Variants in FER1L6 observed in about 807,000 individuals in gnomAD.
FER1L6 encodes the protein fer-1-like protein 6.
A neutral mutation model predicts 219.2 loss-of-function variants in FER1L6; 177 were observed. That is an observed-to-expected ratio of 0.81 (90% CI 0.71 to 0.91). The LOEUF is 0.91. Ranked by LOEUF, FER1L6 falls within the 40% of genes least tolerant of loss-of-function variation. The pLI is 0.00. For synonymous variants in FER1L6, 768 were observed against 824.3 expected (o/e 0.93, Z 1.17); for missense variants, 2,153 against 2,259.9 (o/e 0.95, Z 0.96).
At chr8:123,908,042 G>A (rs563495759) in intron 1 of FER1L6, among the ~76,000 whole-genome samples, 23 of 151,914 alleles carry the variant, frequency 1.5e-4, no homozygotes, top group African/African-American at 4.6e-4. Flanking sequence ...TCTTTTTGCC[G>A]TCCCAGAACC....
At chr8:124,088,668 G>T (rs1241224315) in intron 33 of FER1L6, among the ~76,000 whole-genome samples, 1 of 151,962 alleles carries the variant, frequency 6.6e-6, no homozygotes, top group Non-Finnish European at 1.5e-5. Context: ...GTACTACCTG[G>T]CTCTCACTGC....
At chr8:123,945,572 C>T (rs750099780) in intron 1 of FER1L6, among the ~76,000 whole-genome samples, 9 of 152,230 alleles carry the variant, frequency 5.9e-5, no homozygotes, top group East Asian at 1.9e-4. Flanking sequence ...AAATTTCTGG[C>T]GGTTACTTTT....
intron 1 of FER1L6, among the ~76,000 whole-genome samples, chr8:123,917,320 G>A (rs1283081860): frequency 1.3e-5 from 2 of 152,204 alleles, no homozygotes; most frequent in Non-Finnish European, 2.9e-5. Context: ...GACATCGAGA[G>A]GGAAAGCCTT....
At chr8:123,991,797 T>C (rs1816863585) in intron 12 of FER1L6, among the ~76,000 whole-genome samples, 1 of 152,192 alleles carries the variant, frequency 6.6e-6, no homozygotes, top group African/African-American at 2.4e-5. Context: ...CTTTCAACTT[T>C]TCCCCATTCA....
At chr8:124,055,216 A>ATCAT (rs1554639987) in intron 22 of FER1L6, among the ~76,000 whole-genome samples, 5 of 152,064 alleles carry the variant, frequency 3.3e-5, no homozygotes, top group African/African-American at 1.2e-4. Context: ...AGGCAGGAGG[A>ATCAT]TCGTTTGAGT....
intron 15 of FER1L6, among the ~76,000 whole-genome samples, chr8:124,015,607 A>ATG (rs71303477): frequency 0.027 from 2,428 of 88,566 alleles, 153 homozygotes; most frequent in East Asian, 0.092. Flanking sequence ...ATATATATAT[A>ATG]TATATATATT....
rs375987579 is a variant in FER1L6 at position 124,107,990 on chromosome 8, G to A, written c.5289+4681G>A. On this transcript the variant is annotated intron_variant, in intron 39 of 40. Transcript: ENST00000522917. ...TAAAAGCTTTCTGGATTGTCCTAGG[G>A]ATTGTGATCAGTAATAATGAGAGGG... Among the ~76,000 whole-genome samples the A allele has an allele frequency of 1.5e-3, 225 of 152,318 alleles. 1 individual carries two copies. Among genetic ancestry groups the A allele is most frequent in the Middle Eastern group, 3.4e-3 (1 of 294 alleles).
chr8:124,020,593 T>C (rs1349233977), intron 16 of FER1L6, among the ~76,000 whole-genome samples: 2 of 152,204 alleles, frequency 1.3e-5, no homozygotes, highest in Non-Finnish European at 2.9e-5. Context: ...TCTCATACGA[T>C]GTCTTCTTGG....
intron 38 of FER1L6, among the ~76,000 whole-genome samples, chr8:124,101,710 C>G (rs752336535): frequency 8.5e-5 from 13 of 152,182 alleles, no homozygotes; most frequent in Non-Finnish European, 1.0e-4. Flanking sequence ...GTGCCTCACA[C>G]ATAGTAAGCA....
intron 1 of FER1L6, among the ~76,000 whole-genome samples, chr8:123,862,588 G>A (rs375798496): frequency 4.2e-4 from 61 of 143,654 alleles, no homozygotes; most frequent in Non-Finnish European, 8.2e-4. Context: ...GGTAGAATTC[G>A]GCTGTGAATC....
chr8:123,970,108 C>T lies in FER1L6; in HGVS notation c.447+11C>T. 6.2e-7 allele frequency: 1 copy of T among 1,612,536 alleles called. No homozygotes were observed. The highest frequency in any genetic ancestry group is 8.5e-7 in the Non-Finnish European group (1 of 1,178,638). ...ATCATCAAAATCTCCGTAAGTATAG[C>T]ATTGGTGGTAATAGTTGTGGAGAGG... On this transcript the variant is annotated intron_variant, in intron 6 of 40. Coordinates refer to ENST00000522917, the MANE Select transcript of FER1L6 (RefSeq NM_001039112.2).
intron 19 of FER1L6, among the ~76,000 whole-genome samples, chr8:124,039,580 G>A (rs1361098853): frequency 1.3e-5 from 2 of 152,150 alleles, no homozygotes; most frequent in Non-Finnish European, 2.9e-5. Flanking sequence ...CTGGTTGTGG[G>A]CCATTTTTCC....
chr8:123,853,435 G>A lies in FER1L6; in HGVS notation c.-8+1250G>A, dbSNP rs150030512. Among the ~76,000 whole-genome samples, 12 of 152,288 alleles carry A rather than the reference G, an allele frequency of 7.9e-5. No individual in the cohort carries two copies. The highest frequency in any genetic ancestry group is 1.4e-4 in the African/African-American group (6 of 41,568). On this transcript the variant is annotated intron_variant, in intron 1 of 40. Transcript: ENST00000522917. The surrounding 1 kb of genome is among the most constrained non-coding windows in gnomAD (Gnocchi z 6.6). Reference sequence around the variant, plus strand: ...CTCCCAAAGTGCTGGGATTATAGGCGTGAGCCACCGTACCCGGCCTAAAAT... The same window carrying A: ...CTCCCAAAGTGCTGGGATTATAGGCATGAGCCACCGTACCCGGCCTAAAAT...
intron 1 of FER1L6, among the ~76,000 whole-genome samples, chr8:123,879,888 T>C (rs1216029148): frequency 1.3e-5 from 2 of 152,136 alleles, no homozygotes; most frequent in African/African-American, 4.8e-5. Context: ...TGTTTGTCCA[T>C]TGGATGCTGC....
chr8:123,945,150 CT>C (rs1814432547), intron 1 of FER1L6, among the ~76,000 whole-genome samples: 1 of 152,132 alleles, frequency 6.6e-6, no homozygotes, highest in African/African-American at 2.4e-5. Context: ...TTTAGACCTC[CT>C]TTTGTGTTTC....
intron 22 of FER1L6, among the ~76,000 whole-genome samples, chr8:124,053,965 A>C (rs977638569): frequency 3.3e-5 from 5 of 152,132 alleles, no homozygotes; most frequent in African/African-American, 4.8e-5. Flanking sequence ...CGTCCTCCCT[A>C]TCCTGACTCA....
intron 12 of FER1L6, among the ~76,000 whole-genome samples, chr8:123,991,975 A>T (rs1224874778): frequency 1.3e-5 from 2 of 151,568 alleles, no homozygotes. Context: ...TATGGTTTTT[A>T]ATTCTGTTTA....
At chr8:124,069,202 C>T (rs551368830) in intron 28 of FER1L6, among the ~76,000 whole-genome samples, 158 bp from the exon 29 acceptor site, 120 of 152,308 alleles carry the variant, frequency 7.9e-4, no homozygotes, top group Non-Finnish European at 1.5e-3. Context: ...TCCCAAAGTG[C>T]TGGGATTACA....
At chr8:124,085,778 G>T in intron 33 of FER1L6, among the ~76,000 whole-genome samples, 1 of 152,064 alleles carries the variant, frequency 6.6e-6, no homozygotes, top group Non-Finnish European at 1.5e-5. Flanking sequence ...TTTCTTGGTT[G>T]GTGTCCTGTC....
Sources: allele counts gnomAD v4.1 joint callset (sites outside exome capture counted in the v4.1 genomes callset), GRCh38; gene constraint gnomAD v4.1.1; non-coding constraint Gnocchi (gnomAD v3.1); transcripts MANE v1.5; gene names NCBI Gene and HGNC (gene_info 2026-07-23, HGNC 2026-07-21).